RBFOX1: variants seen among roughly 807,000 people sequenced by gnomAD.
RBFOX1 encodes RNA binding protein fox-1 homolog 1.
RBFOX1 carries 8 observed loss-of-function variants against 57.7 expected under a neutral mutation model. That is an observed-to-expected ratio of 0.14 (90% confidence interval 0.08 to 0.25). RBFOX1 has a LOEUF of 0.25. RBFOX1 is among the 10% of genes least tolerant of loss of function. The pLI is 1.00. For synonymous variants in RBFOX1, 326 were observed against 222.4 expected, an observed-to-expected ratio of 1.47 and a Z score of -4.15; for missense variants, 611 against 548.5, an observed-to-expected ratio of 1.11 and a Z score of -1.14.
intron 1 of RBFOX1, among the ~76,000 whole-genome samples, chr16:5,259,618 G>A (rs2062682249): frequency 6.6e-6 from 1 of 152,178 alleles, no homozygotes. Flanking sequence ...GCCAGCGTGT[G>A]TTGGTAAGTG....
Position 6,512,300 on chromosome 16 carries a change from G to A in RBFOX1, c.-63-142303G>A, listed in dbSNP as rs986793467. Among the ~76,000 whole-genome samples, 248 of 76,568 alleles carry A rather than the reference G, an allele frequency of 3.2e-3. 4 individuals carry two copies. The highest frequency in any genetic ancestry group is 9.9e-3 in the African/African-American group (220 of 22,136). The allele number at this position is 76,568 out of a possible 152,430, so 50.2% of individuals were successfully genotyped here. A position where few individuals can be genotyped will look rare whatever the true frequency, so the allele number is the denominator to read the frequency against. The stretch of plus-strand genomic sequence containing the variant: ...CCCTGTATCAAAAAAAAAAAAAAAA[G>A]GTAAGAGAAAAAGAGATTTATGCAT... On this transcript the variant is annotated intron_variant, in intron 2 of 15. Coordinates refer to ENST00000550418, the MANE Select transcript of RBFOX1 (RefSeq NM_018723.4).
chr16:6,382,450 G>T (rs1208327212), intron 2 of RBFOX1, among the ~76,000 whole-genome samples: 1 of 152,220 alleles, frequency 6.6e-6, no homozygotes, highest in Non-Finnish European at 1.5e-5. Flanking sequence ...GTATCGGTAG[G>T]TCTTCATCCT....
chr16:7,173,695 A>C (rs919654408), intron 4 of RBFOX1, among the ~76,000 whole-genome samples: 4 of 152,226 alleles, frequency 2.6e-5, no homozygotes, highest in Non-Finnish European at 5.9e-5. Flanking sequence ...AAACACATTT[A>C]GGATGTTTTT....
intron 14 of RBFOX1, among the ~76,000 whole-genome samples, chr16:7,678,998 T>A (rs572258027): frequency 2.0e-5 from 3 of 152,346 alleles, no homozygotes; most frequent in African/African-American, 7.2e-5. Context: ...TTTGCACATT[T>A]GGTCTTCTTG....
intron 4 of RBFOX1, among the ~76,000 whole-genome samples, chr16:7,452,885 T>A (rs543831693): frequency 1.3e-5 from 2 of 152,104 alleles, no homozygotes; most frequent in East Asian, 3.9e-4. Flanking sequence ...TCCCAGCATT[T>A]TGGGAGGTCG....
chr16:5,525,527 T>A (rs2044210348), intron 2 of RBFOX1, among the ~76,000 whole-genome samples: 1 of 142,430 alleles, frequency 7.0e-6, no homozygotes, highest in South Asian at 2.3e-4. Context: ...AGACAGAGTC[T>A]TGCTCTGTTG....
chr16:7,271,177 C>T (rs774737634), intron 4 of RBFOX1, among the ~76,000 whole-genome samples: 11 of 152,152 alleles, frequency 7.2e-5, no homozygotes, highest in Non-Finnish European at 1.5e-4. Flanking sequence ...GTGTCCTTTT[C>T]CCCTAAATGG....
At chr16:7,095,005 C>T (rs998619601) in intron 4 of RBFOX1, among the ~76,000 whole-genome samples, 7 of 151,982 alleles carry the variant, frequency 4.6e-5, no homozygotes, top group Non-Finnish European at 8.8e-5. Flanking sequence ...GTGGAATAAC[C>T]TTTTTACTCT....
intron 3 of RBFOX1, among the ~76,000 whole-genome samples, chr16:6,757,961 C>T (rs1247496946): frequency 6.6e-6 from 1 of 152,094 alleles, no homozygotes; most frequent in Non-Finnish European, 1.5e-5. Flanking sequence ...ATTACAACAA[C>T]ATCCAGGTTT....
chr16:7,531,047 C>G (rs990016421), intron 5 of RBFOX1, among the ~76,000 whole-genome samples: 1 of 152,114 alleles, frequency 6.6e-6, no homozygotes, highest in African/African-American at 2.4e-5. Context: ...CTGTACCACT[C>G]AAAACAAACC....
rs1337672342 is a variant in RBFOX1 at position 5,511,978 on chromosome 16, C to T, written c.258+44724C>T. Among the ~76,000 whole-genome samples the T allele has an allele frequency of 1.3e-5, 2 of 152,162 alleles. 1 individual carries two copies. The highest frequency in any genetic ancestry group is 4.1e-4 in the South Asian group (2 of 4,820). ...GTTTCATATTGATGATAAACCTTCC[C>T]TGATAAAATGTAAGGGAAGCAGAAA... On this transcript the variant is annotated intron_variant, in intron 2 of 2. Coordinates refer to the RBFOX1 transcript ENST00000585867.
intron 4 of RBFOX1, among the ~76,000 whole-genome samples, chr16:7,156,307 TATAC>T (rs879645382): frequency 2.7e-5 from 4 of 147,214 alleles, no homozygotes; most frequent in Admixed American, 2.7e-4. Context: ...GGTAGTGTAT[TATAC>T]ATATATAGAC....
At chr16:7,588,870 C>T (rs543285333) in intron 7 of RBFOX1, among the ~76,000 whole-genome samples, 6 of 152,026 alleles carry the variant, frequency 3.9e-5, no homozygotes, top group African/African-American at 1.2e-4. Context: ...GAAAGAAAAC[C>T]CCAGTATTTT....
chr16:5,978,879 C>G (rs1347110592), intron 4 of RBFOX1, among the ~76,000 whole-genome samples: 1 of 152,156 alleles, frequency 6.6e-6, no homozygotes, highest in Non-Finnish European at 1.5e-5. Flanking sequence ...TACTGTTCAT[C>G]ACGGTGCCCA....
rs564364148 is a variant in RBFOX1 at position 7,462,591 on chromosome 16, TAG to T, written c.28-55552_28-55551del. On this transcript the variant is annotated intron_variant, in intron 4 of 15. Coordinates refer to ENST00000550418, the MANE Select transcript of RBFOX1 (RefSeq NM_018723.4). The stretch of plus-strand genomic sequence containing the variant: ...GCATGACTCAACTGGGTCCTCTGTT[TAG>T]AGATTCACAAGACGGAAAGGCAGAA... 1.6e-3 allele frequency among the ~76,000 whole-genome samples: 241 copies of T among 152,368 alleles called. 1 individual carries two copies. Among genetic ancestry groups the T allele is most frequent in the African/African-American group, 5.7e-3 (235 of 41,592 alleles).
At chr16:6,225,359 C>T (rs576065924) in intron 1 of RBFOX1, among the ~76,000 whole-genome samples, 1 of 152,250 alleles carries the variant, frequency 6.6e-6, no homozygotes, top group African/African-American at 2.4e-5. Context: ...CACATCCTCC[C>T]GGTTTGCCTT....
intron 9 of RBFOX1, among the ~76,000 whole-genome samples, chr16:7,604,821 C>G (rs767172470): frequency 6.6e-6 from 1 of 152,192 alleles, no homozygotes; most frequent in African/African-American, 2.4e-5. Flanking sequence ...AAAAGGAAGT[C>G]TTATATGCAA....
intron 3 of RBFOX1, among the ~76,000 whole-genome samples, chr16:5,812,278 C>G (rs971718933): frequency 3.9e-5 from 6 of 152,236 alleles, no homozygotes; most frequent in Admixed American, 3.9e-4. Context: ...TGGACATGTG[C>G]TTTTCTTTCT....
At chr16:6,844,384 C>G (rs539405813) in intron 3 of RBFOX1, among the ~76,000 whole-genome samples, 2 of 152,138 alleles carry the variant, frequency 1.3e-5, no homozygotes, top group African/African-American at 2.4e-5. Flanking sequence ...GCCCATTGTT[C>G]TCTCCCATGT....
Sources: gnomAD v4.1 joint callset for allele counts (sites outside exome capture counted in the v4.1 genomes callset) on GRCh38, gnomAD v4.1.1 for gene constraint, MANE v1.5 for transcripts, NCBI Gene and HGNC (gene_info 2026-07-23, HGNC 2026-07-21) for gene names.